Variants in CIMIP6 observed in about 807,000 individuals in gnomAD.
The protein encoded by CIMIP6 is ciliary microtubule inner protein 6.
the CIMIP6 span, among the ~76,000 whole-genome samples, chr2:54,357,818 C>A: frequency 6.6e-6 from 1 of 151,754 alleles, no homozygotes; most frequent in African/African-American, 2.4e-5. Context: ...ATCTCTTGAC[C>A]TTGTGATCTG....
chr2:54,332,886 T>C, the CIMIP6 span, among the ~76,000 whole-genome samples: 1 of 152,116 alleles, frequency 6.6e-6, no homozygotes, highest in African/African-American at 2.4e-5. Context: ...TAGAAAAAGG[T>C]TTAGAAGTTT....
the CIMIP6 span, chr2:54,381,919 G>C: frequency 2.6e-6 from 4 of 1,550,482 alleles, no homozygotes; most frequent in Non-Finnish European, 3.5e-6. Flanking sequence ...AAGGAACAGA[G>C]AGATCACGGG....
At chr2:54,369,070 A>G in the CIMIP6 span, among the ~76,000 whole-genome samples, 2 of 152,156 alleles carry the variant, frequency 1.3e-5, no homozygotes, top group African/African-American at 4.8e-5. Context: ...CATCGTATGC[A>G]CAAAGCATAC....
At chr2:54,351,963 A>G in the CIMIP6 span, among the ~76,000 whole-genome samples, 1 of 151,868 alleles carries the variant, frequency 6.6e-6, no homozygotes, top group African/African-American at 2.4e-5. Flanking sequence ...CTTACTACCT[A>G]TGGAGCAGCC....
the CIMIP6 span, among the ~76,000 whole-genome samples, chr2:54,357,973 G>C: frequency 6.6e-6 from 1 of 152,194 alleles, no homozygotes; most frequent in South Asian, 2.1e-4. Flanking sequence ...AGTACTGAAA[G>C]TTGCTCTGAT....
At chr2:54,354,058 T>G in the CIMIP6 span, among the ~76,000 whole-genome samples, 4 of 152,186 alleles carry the variant, frequency 2.6e-5, no homozygotes, top group African/African-American at 9.7e-5. Context: ...CAATTCCACT[T>G]TCCAGCATAG....
the CIMIP6 span, among the ~76,000 whole-genome samples, chr2:54,348,706 A>AT: frequency 5.3e-5 from 8 of 152,212 alleles, no homozygotes; most frequent in East Asian, 1.9e-4. Flanking sequence ...TATGTGCCAG[A>AT]TTTTTTACCA....
the CIMIP6 span, among the ~76,000 whole-genome samples, chr2:54,370,921 G>T: frequency 1.3e-5 from 2 of 152,200 alleles, no homozygotes; most frequent in Non-Finnish European, 2.9e-5. Flanking sequence ...TCCACCCAGG[G>T]CAGGATTTTC....
chr2:54,348,395 T>A, the CIMIP6 span, among the ~76,000 whole-genome samples: 3 of 152,224 alleles, frequency 2.0e-5, no homozygotes, highest in Admixed American at 2.0e-4. Context: ...TGATTCTCTC[T>A]CTGTTCTTTT....
At chr2:54,334,501 G>T in the CIMIP6 span, among the ~76,000 whole-genome samples, 18,219 of 152,186 alleles carry the variant, frequency 0.12, 1,158 homozygotes, top group Admixed American at 0.15. Context: ...ATCCACACAC[G>T]TGAGTACTGC....
At chr2:54,341,616 T>G in the CIMIP6 span, among the ~76,000 whole-genome samples, 1 of 152,194 alleles carries the variant, frequency 6.6e-6, no homozygotes, top group African/African-American at 2.4e-5. Flanking sequence ...GATACAGCAG[T>G]GCAGCACAGA....
At chr2:54,362,816 G>A in the CIMIP6 span, among the ~76,000 whole-genome samples, 1 of 152,136 alleles carries the variant, frequency 6.6e-6, no homozygotes, top group Non-Finnish European at 1.5e-5. Context: ...CACAGTGCTG[G>A]GATTACAGGC....
chr2:54,356,588 T>C, the CIMIP6 span, among the ~76,000 whole-genome samples: 3 of 152,150 alleles, frequency 2.0e-5, no homozygotes, highest in African/African-American at 7.2e-5. Flanking sequence ...GGTTTCCCCT[T>C]TTGTCAAGAT....
At chr2:54,372,403 G>T in the CIMIP6 span, among the ~76,000 whole-genome samples, 71 of 152,228 alleles carry the variant, frequency 4.7e-4, 1 homozygote, top group African/African-American at 1.7e-3. Flanking sequence ...GTCACTCATC[G>T]TGGTGGTTGT....
At chr2:54,352,531 A>G in the CIMIP6 span, among the ~76,000 whole-genome samples, 1 of 152,194 alleles carries the variant, frequency 6.6e-6, no homozygotes, top group Non-Finnish European at 1.5e-5. Context: ...GATGTTTATT[A>G]CCTCACATAC....
the CIMIP6 span, chr2:54,383,759 G>A: frequency 1.3e-5 from 2 of 151,746 alleles, no homozygotes; most frequent in African/African-American, 4.8e-5. Context: ...AGCATGTGTT[G>A]GAAACTTAAT....
chr2:54,365,598 C>A, the CIMIP6 span, among the ~76,000 whole-genome samples: 1 of 152,268 alleles, frequency 6.6e-6, no homozygotes, highest in Admixed American at 6.5e-5. Flanking sequence ...GCTGGCTCTG[C>A]CTTTGCCTTT....
chr2:54,334,260 T>G, the CIMIP6 span, among the ~76,000 whole-genome samples: 1 of 152,194 alleles, frequency 6.6e-6, no homozygotes, highest in Non-Finnish European at 1.5e-5. Flanking sequence ...AACAGAGTGC[T>G]TACTAGAGGC....
the CIMIP6 span, among the ~76,000 whole-genome samples, chr2:54,372,697 T>A: frequency 6.6e-6 from 1 of 152,176 alleles, no homozygotes; most frequent in African/African-American, 2.4e-5. Context: ...ATCTTGGAAG[T>A]GGCCCTTGCA....
Sources: allele counts gnomAD v4.1 joint callset (sites outside exome capture counted in the v4.1 genomes callset), GRCh38; gene constraint gnomAD v4.1.1; transcripts MANE v1.5; gene names NCBI Gene and HGNC (gene_info 2026-07-23, HGNC 2026-07-21).